CRMP1: variants seen among roughly 807,000 people sequenced by gnomAD.
CRMP1 encodes the protein dihydropyrimidinase-related protein 1.
In CRMP1, 19 loss-of-function variants were observed where a neutral mutation model predicts 68.3. That is an observed-to-expected ratio of 0.28 (90% CI 0.19 to 0.41). CRMP1 has a LOEUF of 0.41. Among genes scored for constraint, CRMP1 ranks in the 10% least tolerant of loss-of-function variants. CRMP1 has a pLI of 1.00. For missense variants in CRMP1, 791 were observed against 967.4 expected (o/e 0.82, Z 2.42); for synonymous variants, 439 against 399.6 (o/e 1.10, Z -1.18).
rs1719368778 is a variant in CRMP1 at position 5,825,305 on chromosome 4, C to A, written c.1969+189G>T. ...CATGTTGCCCCCCTAACATGGACCC[C>A]CCTCTGCTTGGTGACCATGCCAGCC... On this transcript the variant is annotated intron_variant, in intron 13 of 13. Coordinates refer to ENST00000324989, the MANE Select transcript of CRMP1 (RefSeq NM_001014809.3). The surrounding 1 kb of genome is among the most constrained non-coding windows in gnomAD (Gnocchi z 4.4). 1 of 985,154 alleles carries A rather than the reference C, an allele frequency of 1.0e-6. No individual in the cohort carries two copies. The highest frequency in any genetic ancestry group is 1.2e-6 in the Non-Finnish European group (1 of 829,906). 61.0% of individuals were successfully genotyped at this position (985,154 alleles called of 1,614,324 possible). A position where few individuals can be genotyped will look rare whatever the true frequency, so the allele number is the denominator to read the frequency against.
In CRMP1 at chr4:5,892,617, T is replaced by C; in HGVS notation, c.353A>G (p.Asp118Gly). The change falls in exon 1 of 14, where the codon GAC becomes GGC. Residue 118 changes from aspartate (D) to glycine (G), a missense_variant. By Grantham distance (94) the Asp-to-Gly change is moderately conservative (BLOSUM62 -1). This residue lies in a region of CRMP1 where 193 missense variants were observed against 186.3 expected (regional missense o/e 1.04). Transcript: ENST00000324989. The surrounding 1 kb of genome is among the most constrained non-coding windows in gnomAD (Gnocchi z 8.6). ...TLRIRRPAPR[D>G]LPLGRDNGQS... The stretch of plus-strand genomic sequence containing the variant: ...GCCATTGTCCCGGCCGAGGGGCAGG[T>C]CGCGGGGCGCGGGGCGGCGGATGCG... 2.5e-6 allele frequency: 3 copies of C among 1,188,878 alleles called. No homozygotes were observed. The highest frequency in any genetic ancestry group is 2.1e-6 in the Non-Finnish European group (2 of 960,392). 73.6% of individuals were successfully genotyped at this position (1,188,878 alleles called of 1,614,324 possible).
Position 5,853,458 on chromosome 4 carries a change from G to A in CRMP1, c.821-1989C>T, listed in dbSNP as rs1362491139. Among the ~76,000 whole-genome samples the A allele has an allele frequency of 6.6e-6, 1 of 152,154 alleles. No individual in the cohort carries two copies. Among genetic ancestry groups the A allele is most frequent in the Non-Finnish European group, 1.5e-5 (1 of 68,032 alleles). On this transcript the variant is annotated intron_variant, in intron 4 of 13. Transcript: ENST00000324989. The surrounding 1 kb of genome is among the most constrained non-coding windows in gnomAD (Gnocchi z 4.7). ...AGATAGCAAGTGTTGATGAGGATGT[G>A]GAGAAAAGGCAATTCCTGAGCACCG...
intron 1 of CRMP1, among the ~76,000 whole-genome samples, chr4:5,884,570 T>C (rs1715443663): frequency 1.3e-5 from 2 of 151,970 alleles, no homozygotes; most frequent in Non-Finnish European, 2.9e-5. Flanking sequence ...CTTCCTCCAC[T>C]GGCCAATGAA....
chr4:5,821,646 TC>T lies in CRMP1; in HGVS notation c.*113del, dbSNP rs1371594707. ...AAAAGGGAAAGAGCATCCTTCGACT[TC>T]CCCCTCCCTCCATCAGCACCAACTA... is the stretch of plus-strand genomic sequence containing the variant. On this transcript the variant is annotated 3_prime_UTR_variant, in exon 14 of 14. Coordinates refer to ENST00000324989, the MANE Select transcript of CRMP1 (RefSeq NM_001014809.3). This position sits in a 1 kb window ranked among gnomAD's most constrained non-coding sequence, Gnocchi z 4.4. The T allele has an allele frequency of 6.2e-6, 6 of 967,260 alleles. No homozygotes were observed. The highest frequency in any genetic ancestry group is 2.4e-5 in the Admixed American group (1 of 42,092). The allele number at this position is 967,260 out of a possible 1,614,324, so 59.9% of individuals were successfully genotyped here. A position where few individuals can be genotyped will look rare whatever the true frequency, so the allele number is the denominator to read the frequency against.
intron 6 of CRMP1, among the ~76,000 whole-genome samples, chr4:5,844,417 G>A (rs1264953932): frequency 2.6e-5 from 4 of 152,010 alleles, no homozygotes; most frequent in African/African-American, 9.7e-5. Context: ...CAGGAGGGAG[G>A]GAGAAGAGGC....
chr4:5,822,678 G>T (rs969400992), intron 13 of CRMP1, among the ~76,000 whole-genome samples: 10 of 152,178 alleles, frequency 6.6e-5, no homozygotes, highest in African/African-American at 2.4e-4. Context: ...AAGGTGGGAA[G>T]GATAGAGTCC....
intron 13 of CRMP1, among the ~76,000 whole-genome samples, chr4:5,822,501 G>C (rs1337417137): frequency 6.6e-6 from 1 of 151,954 alleles, no homozygotes; most frequent in Non-Finnish European, 1.5e-5. Flanking sequence ...GAAGGGGGGG[G>C]GGGTGGTGTG....
chr4:5,822,495 G>T (rs76286990), intron 13 of CRMP1, among the ~76,000 whole-genome samples: 1 of 83,038 alleles, frequency 1.2e-5, no homozygotes, highest in Non-Finnish European at 2.1e-5. Context: ...GGATCTGAAG[G>T]GGGGGGGGGT....
intron 11 of CRMP1, among the ~76,000 whole-genome samples, chr4:5,831,727 T>A (rs753549413): frequency 3.9e-5 from 6 of 152,196 alleles, no homozygotes; most frequent in Non-Finnish European, 7.3e-5. Context: ...CCTGGTCATA[T>A]CACAAATGCC....
At position 5,861,216 on chromosome 4, in the gene CRMP1, G is replaced by A. The variant is rs1235274296; in HGVS notation, c.471-6C>T. On this transcript the variant is annotated splice_polypyrimidine_tract_variant and splice_region_variant and intron_variant, in intron 2 of 13. Coordinates refer to ENST00000324989, the MANE Select transcript of CRMP1 (RefSeq NM_001014809.3). This position sits in a 1 kb window ranked among gnomAD's most constrained non-coding sequence, Gnocchi z 6.0. ...TTAAGTTCTCTCCTATTTGTCTGGA[G>A]GCAAACAACAGAGACAGCCTTGGTT... is the stretch of plus-strand genomic sequence containing the variant. 1.2e-6 allele frequency: 2 copies of A among 1,612,074 alleles called. No homozygotes were observed. The highest frequency in any genetic ancestry group is 2.2e-5 in the South Asian group (2 of 90,830).
rs1448811901 is a variant in CRMP1, at chr4:5,888,962, C to T, written c.381+3627G>A. Among the ~76,000 whole-genome samples, 2 of 151,978 alleles carry T rather than the reference C, an allele frequency of 1.3e-5. No homozygotes were observed. Among genetic ancestry groups the T allele is most frequent in the East Asian group, 3.9e-4 (2 of 5,128 alleles). Reference sequence around the variant, plus strand: ...TTCCATAGCCTCCGTTTATCCTTCCCGAGTGCCTCTCCCTGAATGCACCAA... The same window carrying T: ...TTCCATAGCCTCCGTTTATCCTTCCTGAGTGCCTCTCCCTGAATGCACCAA... On this transcript the variant is annotated intron_variant, in intron 1 of 13. Coordinates refer to ENST00000324989, the MANE Select transcript of CRMP1 (RefSeq NM_001014809.3). The surrounding 1 kb of genome is among the most constrained non-coding windows in gnomAD (Gnocchi z 6.4).
rs749378250 is a variant in CRMP1 at position 5,860,965 on chromosome 4, C to G, written c.655+61G>C. On this transcript the variant is annotated intron_variant, in intron 3 of 13. Coordinates refer to ENST00000324989, the MANE Select transcript of CRMP1 (RefSeq NM_001014809.3). The surrounding 1 kb of genome is among the most constrained non-coding windows in gnomAD (Gnocchi z 4.2). ...TCGAACACACTGAGCACTTGTGATGCTGGTGATGGGGAGGAGACCTCACAG... is the reference window on the plus strand; with the variant it reads ...TCGAACACACTGAGCACTTGTGATGGTGGTGATGGGGAGGAGACCTCACAG... 2.3e-5 allele frequency: 36 copies of G among 1,541,476 alleles called. No homozygotes were observed. The highest frequency in any genetic ancestry group is 3.1e-5 in the Non-Finnish European group (35 of 1,130,722).
chr4:5,869,387 A>T (rs1198234868), intron 1 of CRMP1, among the ~76,000 whole-genome samples: 1 of 152,142 alleles, frequency 6.6e-6, no homozygotes, highest in Non-Finnish European at 1.5e-5. Flanking sequence ...GGTGGGGGAG[A>T]AAGAAGTAAA....
chr4:5,887,968 G>T (rs1715717634), intron 1 of CRMP1, among the ~76,000 whole-genome samples: 1 of 152,106 alleles, frequency 6.6e-6, no homozygotes, highest in Non-Finnish European at 1.5e-5. Flanking sequence ...ACATCCCGTG[G>T]GGGGAGGGGG....
rs1447822984 is a variant in CRMP1 at position 5,889,453 on chromosome 4, A to G, written c.381+3136T>C. Reference sequence around the variant, plus strand: ...GTGGACACCAGCCCCGGAGTCCATGATCCAGATGTTGCTCCAGAGGGAGGT... The same window carrying G: ...GTGGACACCAGCCCCGGAGTCCATGGTCCAGATGTTGCTCCAGAGGGAGGT... On this transcript the variant is annotated intron_variant, in intron 1 of 13. Coordinates refer to ENST00000324989, the MANE Select transcript of CRMP1 (RefSeq NM_001014809.3). This position sits in a 1 kb window ranked among gnomAD's most constrained non-coding sequence, Gnocchi z 4.5. Among the ~76,000 whole-genome samples, 1 of 151,936 alleles carries G rather than the reference A, an allele frequency of 6.6e-6. No homozygotes were observed. Among genetic ancestry groups the G allele is most frequent in the Non-Finnish European group, 1.5e-5 (1 of 67,984 alleles).
At chr4:5,824,898 A>G in intron 13 of CRMP1, 1 of 985,368 alleles carries the variant, frequency 1.0e-6, no homozygotes, top group South Asian at 4.7e-5. Context: ...GACCTTAAGA[A>G]AGTCAGGAGG....
At position 5,838,719 on chromosome 4, in the gene CRMP1, A is replaced by G. The variant is rs1720890674; in HGVS notation, c.1310+803T>C. 6.6e-6 allele frequency among the ~76,000 whole-genome samples: 1 copy of G among 152,130 alleles called. No individual in the cohort carries two copies. Among genetic ancestry groups the G allele is most frequent in the South Asian group, 2.1e-4 (1 of 4,826 alleles). ...GGCTACGCTAGTCAAAGGTTTCTGTATCATCAGGGGGATGGTGATTTCCAC... is the reference window on the plus strand; with the variant it reads ...GGCTACGCTAGTCAAAGGTTTCTGTGTCATCAGGGGGATGGTGATTTCCAC... On this transcript the variant is annotated intron_variant, in intron 9 of 13. Transcript: ENST00000324989. This position sits in a 1 kb window ranked among gnomAD's most constrained non-coding sequence, Gnocchi z 4.9.
intron 11 of CRMP1, 80 bp downstream of exon 11, chr4:5,835,834 TA>T: frequency 7.5e-7 from 1 of 1,334,282 alleles, no homozygotes; most frequent in Non-Finnish European, 9.7e-7. Flanking sequence ...GGAAAATTCA[TA>T]AATCATTTTT....
In CRMP1 at chr4:5,888,116, A is replaced by C; in HGVS notation, c.381+4473T>G. On this transcript the variant is annotated intron_variant, in intron 1 of 13. Transcript: ENST00000324989. The surrounding 1 kb of genome is among the most constrained non-coding windows in gnomAD (Gnocchi z 6.4). ...GGCCCCGCCCCACCCGCGGCGACGC[A>C]GGAGGCCTCGGGGGGCGCCCCTGCC... 1.7e-6 allele frequency: 2 copies of C among 1,161,330 alleles called. No homozygotes were observed. The highest frequency in any genetic ancestry group is 1.1e-6 in the Non-Finnish European group (1 of 928,654). 71.9% of individuals were successfully genotyped at this position (1,161,330 alleles called of 1,614,324 possible).
Sources: allele counts gnomAD v4.1 joint callset (sites outside exome capture counted in the v4.1 genomes callset), GRCh38; gene constraint gnomAD v4.1.1; regional missense constraint gnomAD v4.1.1; non-coding constraint Gnocchi (gnomAD v3.1); transcripts MANE v1.5; gene names NCBI Gene and HGNC (gene_info 2026-07-23, HGNC 2026-07-21).